MTF2: variants seen among roughly 807,000 people sequenced by gnomAD.
The protein encoded by MTF2 is metal response element binding transcription factor 2, also known as metal-response element-binding transcription factor 2.
Under a neutral mutation model 79.5 loss-of-function variants are expected in MTF2, and 11 were observed. The observed-to-expected ratio is 0.14, with a 90% CI of 0.09 to 0.23. MTF2 has a LOEUF of 0.23. Among genes scored for constraint, MTF2 ranks in the 10% least tolerant of loss-of-function variants. The pLI is 1.00. For missense variants in MTF2, 486 were observed against 711.2 expected (o/e 0.68, Z 3.60); for synonymous variants, 208 against 232.8 (o/e 0.89, Z 0.97).
intron 1 of MTF2, among the ~76,000 whole-genome samples, chr1:93,104,864 C>T (rs992125926): frequency 7.0e-6 from 1 of 143,618 alleles, no homozygotes; most frequent in Admixed American, 6.7e-5. Flanking sequence ...GAATAAGAGA[C>T]AGACATTCTC....
chr1:93,099,507 G>T (rs1655441005), intron 1 of MTF2, among the ~76,000 whole-genome samples: 1 of 152,126 alleles, frequency 6.6e-6, no homozygotes, highest in South Asian at 2.1e-4. Context: ...TGAATGCTGA[G>T]TGTGGTAGAG....
Position 93,129,286 on chromosome 1 carries a change from C to G in MTF2, c.998C>G (p.Ser333Cys). ...TTTTTTTAAAAATTTAGGTTTATGT[C>G]TGGGAAAGAAATAAAGAAGAAGAAG... ...ALNDYKTMFMSGKEIKKKKHL... is the reference protein window; with the variant it reads ...ALNDYKTMFMCGKEIKKKKHL... The change falls in exon 11 of 15, where the codon TCT becomes TGT. Residue 333 changes from serine (S) to cysteine (C), a missense_variant. Physicochemically the swap from Ser to Cys is moderately radical, Grantham distance 112 (BLOSUM62 -1). This residue lies in a region of MTF2 where 177 missense variants were observed against 364.0 expected (regional missense o/e 0.49). Coordinates refer to ENST00000370298, the MANE Select transcript of MTF2 (RefSeq NM_007358.4). 6.4e-7 allele frequency: 1 copy of G among 1,551,442 alleles called. No homozygotes were observed. The highest frequency in any genetic ancestry group is 8.7e-7 in the Non-Finnish European group (1 of 1,144,462).
At chr1:93,081,444 AG>A (rs1202914399) in intron 1 of MTF2, among the ~76,000 whole-genome samples, 1 of 152,234 alleles carries the variant, frequency 6.6e-6, no homozygotes, top group Admixed American at 6.5e-5. Flanking sequence ...TTTGCCTCTG[AG>A]GAGTTGCCAT....
At chr1:93,118,956 C>T (rs1235621306) in intron 7 of MTF2, among the ~76,000 whole-genome samples, 1 of 152,208 alleles carries the variant, frequency 6.6e-6, no homozygotes, top group East Asian at 1.9e-4. Flanking sequence ...TAGGGAAGTT[C>T]ACTTGTCTCT....
At chr1:93,090,029 C>T (rs977844760) in intron 1 of MTF2, among the ~76,000 whole-genome samples, 4 of 151,810 alleles carry the variant, frequency 2.6e-5, no homozygotes. Flanking sequence ...CGGGCTGGAG[C>T]GCGGTAGCAC....
chr1:93,128,290 G>T (rs2101088120), intron 10 of MTF2, among the ~76,000 whole-genome samples: 1 of 152,178 alleles, frequency 6.6e-6, no homozygotes, highest in Non-Finnish European at 1.5e-5. Flanking sequence ...GGGCGTGGTG[G>T]CTCACACCTG....
chr1:93,118,969 C>A (rs1029741742), intron 7 of MTF2, among the ~76,000 whole-genome samples: 2 of 152,214 alleles, frequency 1.3e-5, no homozygotes, highest in African/African-American at 4.8e-5. Flanking sequence ...TTGTCTCTTT[C>A]GGGCTTATTA....
Position 93,137,522 on chromosome 1 carries a change from T to C in MTF2, c.*495T>C, listed in dbSNP as rs1430698390. 1.3e-5 allele frequency: 2 copies of C among 153,616 alleles called. No individual in the cohort carries two copies. The highest frequency in any genetic ancestry group is 2.9e-5 in the Non-Finnish European group (2 of 68,708). The allele number at this position is 153,616 out of a possible 1,614,324, so 9.5% of individuals were successfully genotyped here. On this transcript the variant is annotated 3_prime_UTR_variant, in exon 15 of 15. Transcript: ENST00000370298. ...GAAAGACTGTAAAATATTGAAATTT[T>C]CTTTCAAGCAAAGTGTAAAAAAATA...
At chr1:93,094,214 G>A (rs1655189065) in intron 1 of MTF2, among the ~76,000 whole-genome samples, 1 of 151,726 alleles carries the variant, frequency 6.6e-6, no homozygotes, top group African/African-American at 2.4e-5. Flanking sequence ...TCACATGTTG[G>A]ATATTTCTGA....
At chr1:93,084,514 GTC>G (rs1262384237) in intron 1 of MTF2, among the ~76,000 whole-genome samples, 2 of 152,124 alleles carry the variant, frequency 1.3e-5, no homozygotes, top group Admixed American at 6.6e-5. Flanking sequence ...CAATCTGTGA[GTC>G]TGTGCAAAAA....
At chr1:93,089,526 A>G (rs980355952) in intron 1 of MTF2, among the ~76,000 whole-genome samples, 2 of 152,112 alleles carry the variant, frequency 1.3e-5, no homozygotes, top group African/African-American at 2.4e-5. Context: ...TAGATTGTAA[A>G]TTTCTAGAAA....
Position 93,137,027 on chromosome 1 carries a change from A to T in MTF2, c.1782A>T (p.Ter594CysextTer2). 1 of 1,610,904 alleles carries T rather than the reference A, an allele frequency of 6.2e-7. No homozygotes were observed. Among genetic ancestry groups the T allele is most frequent in the Non-Finnish European group, 8.5e-7 (1 of 1,177,580 alleles). The change falls in exon 15 of 15, where the codon TGA (stop) becomes TGT (cysteine). Residue 594 changes from the stop codon to cysteine, a stop_lost. Coordinates refer to ENST00000370298, the MANE Select transcript of MTF2 (RefSeq NM_007358.4). ...LVEWEGATAS[*>C] The stretch of plus-strand genomic sequence containing the variant: ...AATGGGAAGGAGCAACTGCATCCTG[A>T]CTGTAGGACTGAACATTATGTTCAC...
At chr1:93,100,038 A>G (rs1346632264) in intron 1 of MTF2, among the ~76,000 whole-genome samples, 1 of 152,226 alleles carries the variant, frequency 6.6e-6, no homozygotes, top group African/African-American at 2.4e-5. Context: ...TTGGCATAAG[A>G]TGTGAATTAT....
chr1:93,101,825 G>A (rs992989105), intron 1 of MTF2, among the ~76,000 whole-genome samples: 2 of 151,762 alleles, frequency 1.3e-5, no homozygotes, highest in South Asian at 2.1e-4. Flanking sequence ...CACTCCTCCC[G>A]CCTTGGCCTC....
At chr1:93,124,582 T>C (rs998453017) in intron 9 of MTF2, among the ~76,000 whole-genome samples, 9 of 151,952 alleles carry the variant, frequency 5.9e-5, no homozygotes, top group African/African-American at 2.2e-4. Flanking sequence ...GTGGTAGAAA[T>C]GATACTAGAG....
rs143598912 is a variant in MTF2, at chr1:93,121,564, A to G, written c.921+892A>G. The G allele has an allele frequency of 9.6e-4, 938 of 981,876 alleles. 9 individuals are homozygous for G. The African/African-American group carries it at 0.016, about 16-fold the overall frequency. 60.8% of individuals were successfully genotyped at this position (981,876 alleles called of 1,614,324 possible). On this transcript the variant is annotated intron_variant, in intron 9 of 14. Transcript: ENST00000370298. ...CTATTTCATATCAAATAGGATATCA[A>G]AGGGCTTTTTGGGGGTTTATGGGAT...
chr1:93,079,359 C>T lies in MTF2; in HGVS notation c.-168C>T. 1 of 770,074 alleles carries T rather than the reference C, an allele frequency of 1.3e-6. No individual in the cohort carries two copies. The highest frequency in any genetic ancestry group is 2.2e-6 in the Non-Finnish European group (1 of 451,872). The allele number at this position is 770,074 out of a possible 1,614,324, so 47.7% of individuals were successfully genotyped here. ...TGAGGCCGGTGTAAGAACGCTCATT[C>T]TACCCCCAACCCTTGTCTCCAAGGA... is the stretch of plus-strand genomic sequence containing the variant. On this transcript the variant is annotated 5_prime_UTR_variant, in exon 1 of 15. Coordinates refer to ENST00000370298, the MANE Select transcript of MTF2 (RefSeq NM_007358.4).
At chr1:93,104,556 G>C (rs1372059628) in intron 1 of MTF2, among the ~76,000 whole-genome samples, 1 of 151,534 alleles carries the variant, frequency 6.6e-6, no homozygotes, top group Non-Finnish European at 1.5e-5. Context: ...GCATGCACCT[G>C]TAATCCCAGC....
At chr1:93,088,415 T>G (rs1208399538) in intron 1 of MTF2, among the ~76,000 whole-genome samples, 1 of 152,208 alleles carries the variant, frequency 6.6e-6, no homozygotes, top group African/African-American at 2.4e-5. Flanking sequence ...ACAAATAATT[T>G]AGATGGCTAT....
Sources: gnomAD v4.1 joint callset for allele counts (sites outside exome capture counted in the v4.1 genomes callset) on GRCh38, gnomAD v4.1.1 for gene constraint, gnomAD v4.1.1 regional missense constraint, MANE v1.5 for transcripts, NCBI Gene and HGNC (gene_info 2026-07-23, HGNC 2026-07-21) for gene names.